The following ADCY8 variants were observed in gnomAD, a reference collection of about 807,000 sequenced individuals.
ADCY8 encodes the protein adenylate cyclase 8, also known as adenylate cyclase type 8.
Under a neutral mutation model 119.7 loss-of-function variants are expected in ADCY8, and 51 were observed. That is an observed-to-expected ratio of 0.43 (90% confidence interval 0.34 to 0.54). The LOEUF (loss-of-function observed/expected upper bound fraction) is 0.54, where lower values mean the gene tolerates loss of function less well. ADCY8 is among the 20% of genes least tolerant of loss of function. The pLI is 0.03. For missense variants in ADCY8, 1,383 were observed against 1,598.8 expected, an observed-to-expected ratio of 0.87 and a Z score of 2.30; for synonymous variants, 665 against 651.0, an observed-to-expected ratio of 1.02 and a Z score of -0.33.
chr8:130,954,435 C>T (rs1420234325), intron 2 of ADCY8, among the ~76,000 whole-genome samples: 2 of 152,180 alleles, frequency 1.3e-5, no homozygotes, highest in Non-Finnish European at 2.9e-5. Flanking sequence ...TGTGATCTGA[C>T]CATTCATCAG....
intron 1 of ADCY8, among the ~76,000 whole-genome samples, chr8:131,036,060 T>C (rs1285850603): frequency 6.6e-6 from 1 of 152,192 alleles, no homozygotes; most frequent in Non-Finnish European, 1.5e-5. Flanking sequence ...TGCTTACATG[T>C]TTAGAAGGAT....
intron 7 of ADCY8, among the ~76,000 whole-genome samples, chr8:130,895,251 A>T (rs888791085): frequency 6.6e-6 from 1 of 152,114 alleles, no homozygotes; most frequent in Non-Finnish European, 1.5e-5. Context: ...TGACTCCCCA[A>T]ACAATGACTC....
intron 14 of ADCY8, among the ~76,000 whole-genome samples, chr8:130,806,874 G>T (rs1815976258): frequency 6.6e-6 from 1 of 152,050 alleles, no homozygotes; most frequent in Non-Finnish European, 1.5e-5. Context: ...GAGGTGAAGG[G>T]ATTTTGAGGG....
chr8:131,008,889 T>A (rs1256430419), intron 1 of ADCY8, among the ~76,000 whole-genome samples: 1 of 152,176 alleles, frequency 6.6e-6, no homozygotes, highest in Non-Finnish European at 1.5e-5. Context: ...ACCCTTGCTA[T>A]GTTTTGGCAA....
intron 4 of ADCY8, 91 bp from the exon 5 acceptor site, chr8:130,937,291 T>A (rs896378144): frequency 2.9e-6 from 4 of 1,358,158 alleles, no homozygotes; most frequent in Non-Finnish European, 3.9e-6. Context: ...CAGGGTTAGG[T>A]GGTCTGCAAC....
At chr8:130,900,350 C>T (rs988184372) in intron 7 of ADCY8, among the ~76,000 whole-genome samples, 35 of 152,170 alleles carry the variant, frequency 2.3e-4, no homozygotes, top group Non-Finnish European at 1.5e-5. Flanking sequence ...TTCATTGCTC[C>T]TCCAAGCCAT....
intron 1 of ADCY8, among the ~76,000 whole-genome samples, chr8:131,032,781 A>G (rs1015011213): frequency 2.6e-5 from 4 of 152,168 alleles, no homozygotes; most frequent in African/African-American, 9.7e-5. Context: ...TGAGTGTGTA[A>G]ATCCAATTAC....
intron 6 of ADCY8, among the ~76,000 whole-genome samples, chr8:130,906,430 T>C (rs1300401719): frequency 6.6e-6 from 1 of 152,230 alleles, no homozygotes; most frequent in East Asian, 1.9e-4. Context: ...CTGCTGTCAG[T>C]ATGCAAGGGG....
At chr8:131,003,212 A>T (rs1034728195) in intron 1 of ADCY8, among the ~76,000 whole-genome samples, 15 of 151,582 alleles carry the variant, frequency 9.9e-5, no homozygotes, top group Non-Finnish European at 1.5e-4. Flanking sequence ...ACCATCACAC[A>T]CACACACACA....
Position 130,905,603 on chromosome 8 carries a change from AG to A in ADCY8, c.1641-1562del, listed in dbSNP as rs570366582. On this transcript the variant is annotated intron_variant, in intron 6 of 17. Transcript: ENST00000286355. ...AGAGTGGCTTTTAAAAATGCACTGT[AG>A]TGGCTCATGCTGAGGAAGCCGAGAC... is the stretch of plus-strand genomic sequence containing the variant. 1.3e-3 allele frequency among the ~76,000 whole-genome samples: 191 copies of A among 152,356 alleles called. 1 individual carries two copies. Among genetic ancestry groups the A allele is most frequent in the Middle Eastern group, 3.4e-3 (1 of 294 alleles).
At chr8:130,817,274 C>T (rs34853308) in intron 13 of ADCY8, among the ~76,000 whole-genome samples, 38,148 of 152,036 alleles carry the variant, frequency 0.25, 4,835 homozygotes, top group East Asian at 0.26. Flanking sequence ...GTGGTCCTCA[C>T]TATGAAGTGG....
At chr8:131,010,640 C>G (rs1311953047) in intron 1 of ADCY8, among the ~76,000 whole-genome samples, 1 of 152,174 alleles carries the variant, frequency 6.6e-6, no homozygotes, top group African/African-American at 2.4e-5. Context: ...ATAATTCCAG[C>G]AATGCTGTCT....
intron 1 of ADCY8, among the ~76,000 whole-genome samples, chr8:131,011,850 G>A (rs1823317030): frequency 6.6e-6 from 1 of 152,162 alleles, no homozygotes; most frequent in African/African-American, 2.4e-5. Context: ...TGGTGAGGGT[G>A]CAGCTGAAGA....
At chr8:130,996,143 C>G (rs549189611) in intron 1 of ADCY8, among the ~76,000 whole-genome samples, 57 of 151,208 alleles carry the variant, frequency 3.8e-4, no homozygotes, top group African/African-American at 1.4e-3. Context: ...TGCATGAGAG[C>G]TAGAAAAGAA....
At chr8:130,825,923 T>C (rs1382288765) in intron 12 of ADCY8, among the ~76,000 whole-genome samples, 2 of 152,232 alleles carry the variant, frequency 1.3e-5, no homozygotes, top group Non-Finnish European at 2.9e-5. Context: ...GAGACTCAGC[T>C]GCATGGACTG....
intron 1 of ADCY8, among the ~76,000 whole-genome samples, chr8:131,001,029 C>T (rs1432430862): frequency 6.6e-6 from 1 of 152,096 alleles, no homozygotes. Flanking sequence ...TGAACTAGGT[C>T]CCATTCCTGT....
chr8:130,816,995 C>T (rs959813473), intron 13 of ADCY8, among the ~76,000 whole-genome samples: 3 of 152,112 alleles, frequency 2.0e-5, no homozygotes, highest in African/African-American at 7.2e-5. Context: ...CAGAGAGGAA[C>T]TATATCAGAT....
At chr8:130,867,299 G>A (rs897406252) in intron 9 of ADCY8, among the ~76,000 whole-genome samples, 3 of 152,116 alleles carry the variant, frequency 2.0e-5, no homozygotes, top group African/African-American at 4.8e-5. Context: ...TGAACTATGG[G>A]ATCTTAGGGA....
intron 1 of ADCY8, among the ~76,000 whole-genome samples, chr8:131,032,125 C>T (rs1222582695): frequency 1.3e-5 from 2 of 152,152 alleles, no homozygotes; most frequent in Non-Finnish European, 2.9e-5. Flanking sequence ...AATTTTTACA[C>T]TGGCACTGTA....
Sources: allele counts gnomAD v4.1 joint callset (sites outside exome capture counted in the v4.1 genomes callset), GRCh38; gene constraint gnomAD v4.1.1; transcripts MANE v1.5; gene names NCBI Gene and HGNC (gene_info 2026-07-23, HGNC 2026-07-21).